The following ASIC2 variants were observed in gnomAD, a reference collection of about 807,000 sequenced individuals.
ASIC2 encodes the protein acid-sensing ion channel 2.
In ASIC2, 25 loss-of-function variants were observed where a neutral mutation model predicts 57.3. The observed-to-expected ratio is 0.44, with a 90% CI of 0.32 to 0.61. The LOEUF is 0.61. Among genes scored for constraint, ASIC2 ranks in the 20% least tolerant of loss-of-function variants. The pLI, the probability that ASIC2 is intolerant of heterozygous loss-of-function variation, is 0.06. For synonymous variants in ASIC2, 319 were observed against 307.5 expected (o/e 1.04, Z -0.39); for missense variants, 641 against 738.1 (o/e 0.87, Z 1.52).
chr17:33,281,369 A>C (rs1904940661), intron 1 of ASIC2, among the ~76,000 whole-genome samples: 1 of 152,212 alleles, frequency 6.6e-6, no homozygotes, highest in South Asian at 2.1e-4. Context: ...TTTAATGATG[A>C]TAAGGATGAT....
intron 1 of ASIC2, among the ~76,000 whole-genome samples, chr17:33,384,653 C>T (rs1402612737): frequency 2.0e-5 from 3 of 151,998 alleles, no homozygotes; most frequent in African/African-American, 7.3e-5. Flanking sequence ...CTGCCAAGGG[C>T]GGATTATTGA....
At chr17:33,811,913 A>G (rs776664498) in intron 1 of ASIC2, among the ~76,000 whole-genome samples, 1 of 152,198 alleles carries the variant, frequency 6.6e-6, no homozygotes, top group Non-Finnish European at 1.5e-5. Flanking sequence ...TGGCTAATTC[A>G]TATTCATTCT....
chr17:33,844,392 A>G (rs1913523205), intron 1 of ASIC2, among the ~76,000 whole-genome samples: 1 of 152,174 alleles, frequency 6.6e-6, no homozygotes, highest in South Asian at 2.1e-4. Flanking sequence ...AACCTTCAAG[A>G]CATGTGGGCA....
At chr17:34,058,244 C>A (rs1329282715) in intron 1 of ASIC2, among the ~76,000 whole-genome samples, 1 of 152,198 alleles carries the variant, frequency 6.6e-6, no homozygotes, top group Non-Finnish European at 1.5e-5. Context: ...ATGTAAGATG[C>A]ACCTCCGAGT....
chr17:34,124,574 T>C (rs1033200268), intron 1 of ASIC2, among the ~76,000 whole-genome samples: 1 of 152,172 alleles, frequency 6.6e-6, no homozygotes, highest in Non-Finnish European at 1.5e-5. Context: ...TGTAACAGAA[T>C]ACCACAGACT....
chr17:33,677,836 G>A (rs1396676572), intron 1 of ASIC2, among the ~76,000 whole-genome samples: 1 of 152,198 alleles, frequency 6.6e-6, no homozygotes, highest in Non-Finnish European at 1.5e-5. Context: ...TGAAGATACT[G>A]TGAATACTAT....
At chr17:33,344,172 G>C (rs1250555142) in intron 1 of ASIC2, among the ~76,000 whole-genome samples, 1 of 152,146 alleles carries the variant, frequency 6.6e-6, no homozygotes, top group East Asian at 1.9e-4. Context: ...GTAATTCTCT[G>C]TCATGCATTC....
At chr17:33,096,667 G>A (rs1019464925) in intron 2 of ASIC2, among the ~76,000 whole-genome samples, 1 of 152,216 alleles carries the variant, frequency 6.6e-6, no homozygotes, top group African/African-American at 2.4e-5. Context: ...GGCTGGCGAT[G>A]GAAAGTGCTA....
intron 1 of ASIC2, among the ~76,000 whole-genome samples, chr17:33,383,818 A>G (rs1909573955): frequency 6.6e-6 from 1 of 152,248 alleles, no homozygotes; most frequent in Admixed American, 6.5e-5. Context: ...GATCGCAATA[A>G]GCTGGAACAA....
At chr17:33,286,980 T>C (rs1597666737) in intron 1 of ASIC2, among the ~76,000 whole-genome samples, 1 of 152,192 alleles carries the variant, frequency 6.6e-6, no homozygotes, top group African/African-American at 2.4e-5. Context: ...GGTCATAATA[T>C]GATATGATAA....
chr17:33,479,161 G>C (rs2141925438), intron 1 of ASIC2, among the ~76,000 whole-genome samples: 1 of 152,108 alleles, frequency 6.6e-6, no homozygotes, highest in East Asian at 1.9e-4. Flanking sequence ...ACCACGCCCA[G>C]CTAATTTTTG....
chr17:33,860,165 G>A (rs966851793), intron 1 of ASIC2, among the ~76,000 whole-genome samples: 5 of 152,026 alleles, frequency 3.3e-5, no homozygotes, highest in African/African-American at 7.2e-5. Context: ...CTAGATTTTT[G>A]TAAGAATAAA....
intron 1 of ASIC2, among the ~76,000 whole-genome samples, chr17:33,714,991 A>ATTATTATTATTATTC: frequency 6.8e-6 from 1 of 147,712 alleles, no homozygotes; most frequent in South Asian, 2.1e-4. Flanking sequence ...CTAATTTATT[A>ATTATTATTATTATTC]TTATTATTAT....
At chr17:33,429,777 G>A (rs559091869) in intron 1 of ASIC2, among the ~76,000 whole-genome samples, 1 of 152,182 alleles carries the variant, frequency 6.6e-6, no homozygotes, top group African/African-American at 2.4e-5. Flanking sequence ...GAAACAGTAG[G>A]TATAATGTAC....
chr17:34,024,956 C>CCTTTGCA (rs1292105962), intron 1 of ASIC2, among the ~76,000 whole-genome samples: 2 of 152,212 alleles, frequency 1.3e-5, no homozygotes, highest in African/African-American at 4.8e-5. Flanking sequence ...TAGCACTTTC[C>CCTTTGCA]CTTTGCACTG....
intron 1 of ASIC2, among the ~76,000 whole-genome samples, chr17:33,652,619 C>T (rs1906954382): frequency 6.6e-6 from 1 of 152,160 alleles, no homozygotes; most frequent in African/African-American, 2.4e-5. Context: ...TGTAGAATCC[C>T]TCCTTCTGCT....
At chr17:33,704,044 T>C (rs1309043868) in intron 1 of ASIC2, among the ~76,000 whole-genome samples, 1 of 152,200 alleles carries the variant, frequency 6.6e-6, no homozygotes, top group Non-Finnish European at 1.5e-5. Flanking sequence ...GAACTTTGCC[T>C]GTGCCTGGAC....
chr17:33,861,426 C>A (rs2141923959), intron 1 of ASIC2, among the ~76,000 whole-genome samples: 1 of 152,230 alleles, frequency 6.6e-6, no homozygotes, highest in East Asian at 1.9e-4. Flanking sequence ...AAATTCATGG[C>A]AACCCTTTAA....
rs1491226445 is a variant in ASIC2, at chr17:33,610,052, G to GCA, written c.556-497986_556-497985insTG. The stretch of plus-strand genomic sequence containing the variant: ...CTCTTCACTGGGACCCTGGACAGAG[G>GCA]CGCACACACACACACACACACACAC... On this transcript the variant is annotated intron_variant, in intron 1 of 9. Coordinates refer to the ASIC2 transcript ENST00000359872. Among the ~76,000 whole-genome samples the GCA allele has an allele frequency of 5.6e-3, 539 of 95,776 alleles. 1 individual carries two copies. The highest frequency in any genetic ancestry group is 0.022 in the African/African-American group (409 of 18,550). The allele number at this position is 95,776 out of a possible 152,430, so 62.8% of individuals were successfully genotyped here.
Sources: gnomAD v4.1 joint callset for allele counts (sites outside exome capture counted in the v4.1 genomes callset) on GRCh38, gnomAD v4.1.1 for gene constraint, MANE v1.5 for transcripts, NCBI Gene and HGNC (gene_info 2026-07-23, HGNC 2026-07-21) for gene names.